LRBA: variants seen among roughly 807,000 people sequenced by gnomAD.
LRBA encodes the protein LPS responsive beige-like anchor protein.
A neutral mutation model predicts 330.0 loss-of-function variants in LRBA; 176 were observed. That is an observed-to-expected ratio of 0.53 (90% CI 0.47 to 0.60). LRBA has a LOEUF of 0.60. LRBA is among the 20% of genes least tolerant of loss of function. The pLI, the probability that LRBA is intolerant of heterozygous loss-of-function variation, is 0.00. For missense variants in LRBA, 3,259 were observed against 3,444.8 expected (o/e 0.95, Z 1.35); for synonymous variants, 1,230 against 1,193.0 (o/e 1.03, Z -0.64).
At chr4:150,787,138 G>A (rs903981782) in intron 34 of LRBA, among the ~76,000 whole-genome samples, 8 of 151,880 alleles carry the variant, frequency 5.3e-5, no homozygotes, top group East Asian at 1.9e-4. Context: ...AGGCTGAGGC[G>A]GGAAGATCAC....
chr4:150,325,569 A>G (rs970635203), intron 49 of LRBA, among the ~76,000 whole-genome samples: 2 of 152,148 alleles, frequency 1.3e-5, no homozygotes, highest in Non-Finnish European at 2.9e-5. Context: ...GGACCTTTCA[A>G]TTCTGTAACA....
At chr4:150,701,022 C>A (rs1354280433) in intron 36 of LRBA, among the ~76,000 whole-genome samples, 1 of 152,160 alleles carries the variant, frequency 6.6e-6, no homozygotes, top group African/African-American at 2.4e-5. Context: ...GACCAAAGTG[C>A]TGGGATTACA....
intron 46 of LRBA, among the ~76,000 whole-genome samples, chr4:150,426,949 G>A (rs1749711949): frequency 6.6e-6 from 1 of 151,670 alleles, no homozygotes; most frequent in South Asian, 2.1e-4. Context: ...ATCTCCATTG[G>A]GCCTTTTGCT....
intron 36 of LRBA, among the ~76,000 whole-genome samples, chr4:150,703,341 A>G (rs1231207043): frequency 1.3e-5 from 2 of 152,210 alleles, no homozygotes; most frequent in Non-Finnish European, 2.9e-5. Context: ...AGAATCTAGG[A>G]TCTCAAATGA....
intron 48 of LRBA, among the ~76,000 whole-genome samples, chr4:150,328,598 GCA>G (rs1314650091): frequency 6.6e-6 from 1 of 152,086 alleles, no homozygotes; most frequent in African/African-American, 2.4e-5. Flanking sequence ...GGGCTCTGGA[GCA>G]CAGTTTGAAA....
At chr4:150,827,029 A>G (rs1031346166) in intron 30 of LRBA, among the ~76,000 whole-genome samples, 9 of 152,218 alleles carry the variant, frequency 5.9e-5, no homozygotes, top group Non-Finnish European at 1.3e-4. Flanking sequence ...CAAAAAGGTG[A>G]GGGGTGAAGG....
intron 17 of LRBA, among the ~76,000 whole-genome samples, chr4:150,884,384 C>G (rs868111645): frequency 4.6e-5 from 7 of 152,044 alleles, no homozygotes; most frequent in Admixed American, 4.6e-4. Context: ...TGAGAAAGTA[C>G]CTATATCCAG....
intron 36 of LRBA, among the ~76,000 whole-genome samples, chr4:150,732,403 T>C (rs994267876): frequency 6.6e-6 from 1 of 152,076 alleles, no homozygotes; most frequent in African/African-American, 2.4e-5. Context: ...AAATGTACTT[T>C]CTGTTAACAA....
At chr4:150,518,466 G>A (rs556166205) in intron 40 of LRBA, among the ~76,000 whole-genome samples, 1 of 152,290 alleles carries the variant, frequency 6.6e-6, no homozygotes, top group South Asian at 2.1e-4. Flanking sequence ...GGAGGCTACT[G>A]TATGGTCATG....
chr4:150,693,719 T>C (rs1336656267), intron 36 of LRBA, among the ~76,000 whole-genome samples: 2 of 152,144 alleles, frequency 1.3e-5, no homozygotes, highest in Non-Finnish European at 2.9e-5. Context: ...ATTGGAAGGC[T>C]AGAAAACTTC....
intron 2 of LRBA, among the ~76,000 whole-genome samples, chr4:150,971,914 T>C (rs1014503100): frequency 6.6e-6 from 1 of 152,198 alleles, no homozygotes. Flanking sequence ...ATTAATGTAG[T>C]ATATTAGCCA....
chr4:150,469,908 C>T (rs1373974611), intron 43 of LRBA, among the ~76,000 whole-genome samples: 2 of 152,172 alleles, frequency 1.3e-5, no homozygotes, highest in Non-Finnish European at 2.9e-5. Context: ...ATTGGCAGGG[C>T]GTGGTGGCTC....
rs147749317 is a variant in LRBA, at chr4:150,962,143, T to C, written c.217-33078A>G. ...ATAATAAACAATTCAATAAACAGCA[T>C]TAAATTGGAATTCAATTTTTTTCTA... On this transcript the variant is annotated intron_variant, in intron 2 of 56. Transcript: ENST00000651943. 7.9e-4 allele frequency among the ~76,000 whole-genome samples: 118 copies of C among 149,554 alleles called. 11 individuals carry two copies. Among genetic ancestry groups the C allele is most frequent in the African/African-American group, 2.4e-3 (93 of 38,902 alleles).
chr4:150,929,182 G>T (rs1422680187), intron 2 of LRBA, 117 bp from the exon 3 acceptor site: 3 of 623,108 alleles, frequency 4.8e-6, no homozygotes, highest in Non-Finnish European at 7.9e-6. Context: ...ACATCAAAAG[G>T]TTCATTAAAA....
intron 36 of LRBA, among the ~76,000 whole-genome samples, chr4:150,703,586 T>C (rs1233590556): frequency 2.0e-5 from 3 of 152,156 alleles, no homozygotes; most frequent in Non-Finnish European, 2.9e-5. Context: ...TTTTTAATGG[T>C]TAAAAGTAAT....
chr4:150,334,915 C>T (rs926084919), intron 48 of LRBA, among the ~76,000 whole-genome samples: 23 of 149,950 alleles, frequency 1.5e-4, no homozygotes, highest in East Asian at 3.9e-4. Context: ...CTGCAACCTC[C>T]GTCTCCGAGG....
At chr4:150,672,183 G>A (rs1782120327) in intron 37 of LRBA, among the ~76,000 whole-genome samples, 1 of 151,998 alleles carries the variant, frequency 6.6e-6, no homozygotes, top group South Asian at 2.1e-4. Flanking sequence ...TAACTACCAA[G>A]CCATTTTCCA....
intron 37 of LRBA, among the ~76,000 whole-genome samples, chr4:150,649,144 C>T (rs930955545): frequency 5.9e-5 from 9 of 152,172 alleles, no homozygotes; most frequent in Non-Finnish European, 4.4e-5. Context: ...CTATAAAATA[C>T]CTCTGGCCTC....
At chr4:150,839,511 G>T (rs1418463012) in intron 28 of LRBA, among the ~76,000 whole-genome samples, 2 of 152,174 alleles carry the variant, frequency 1.3e-5, no homozygotes, top group Non-Finnish European at 2.9e-5. Flanking sequence ...TGATAGACTG[G>T]ATTAAGAAAA....
Sources: allele counts gnomAD v4.1 joint callset (sites outside exome capture counted in the v4.1 genomes callset), GRCh38; gene constraint gnomAD v4.1.1; transcripts MANE v1.5; gene names NCBI Gene and HGNC (gene_info 2026-07-23, HGNC 2026-07-21).